Variants in CNIH3 observed in about 807,000 individuals in gnomAD.
The protein encoded by CNIH3 is cornichon family AMPA receptor auxiliary protein 3.
A neutral mutation model predicts 24.1 loss-of-function variants in CNIH3; 14 were observed. The ratio of observed to expected loss-of-function variants is 0.58; its 90% CI spans 0.38 to 0.91. The LOEUF (loss-of-function observed/expected upper bound fraction) is 0.91, where lower values mean the gene tolerates loss of function less well. Among genes scored for constraint, CNIH3 ranks in the 40% least tolerant of loss-of-function variants. The pLI, the probability that CNIH3 is intolerant of heterozygous loss-of-function variation, is 0.00. For synonymous variants in CNIH3, 68 were observed against 73.8 expected, an observed-to-expected ratio of 0.92 and a Z score of 0.40; for missense variants, 178 against 196.8, an observed-to-expected ratio of 0.90 and a Z score of 0.57.
At position 224,564,086 on chromosome 1, in the gene CNIH3, G is replaced by C. The variant is rs78620530; in HGVS notation, n.451-2113G>C. On this transcript the variant is annotated intron_variant and non_coding_transcript_variant, in intron 3 of 5. Transcript: ENST00000471578. ...ACACTTATGTTTGATTTGATAAGTG[G>C]CTTCTTGAGCAGCCACATATTGAAG... Among the ~76,000 whole-genome samples the C allele has an allele frequency of 2.0e-4, 31 of 152,348 alleles. No homozygotes were observed. In the East Asian group the frequency reaches 4.8e-3, roughly 24 times the overall value.
chr1:224,524,095 G>A (rs1013548932), intron 2 of CNIH3, among the ~76,000 whole-genome samples: 1 of 152,202 alleles, frequency 6.6e-6, no homozygotes, highest in Admixed American at 6.5e-5. Flanking sequence ...ATTAAAAAGG[G>A]CCTCTGGTCA....
At chr1:224,581,000 T>C (rs1681253320) in intron 4 of CNIH3, among the ~76,000 whole-genome samples, 1 of 152,166 alleles carries the variant, frequency 6.6e-6, no homozygotes, top group Non-Finnish European at 1.5e-5. Flanking sequence ...TAATTTACAT[T>C]GTCAGGGTGA....
At chr1:224,652,971 T>G (rs967591476) in intron 1 of CNIH3, among the ~76,000 whole-genome samples, 5 of 152,176 alleles carry the variant, frequency 3.3e-5, no homozygotes, top group Admixed American at 2.0e-4. Flanking sequence ...AATTCCCAGC[T>G]GGAGGAAGGC....
At chr1:224,488,127 C>T (rs974784310) in intron 1 of CNIH3, among the ~76,000 whole-genome samples, 6 of 151,582 alleles carry the variant, frequency 4.0e-5, no homozygotes, top group Admixed American at 1.3e-4. Context: ...TGATATGATA[C>T]GAGCTACTAA....
chr1:224,540,958 A>G (rs140112632), downstream of CNIH3, among the ~76,000 whole-genome samples: 111 of 152,294 alleles, frequency 7.3e-4, no homozygotes, highest in Middle Eastern at 3.4e-3. Context: ...GATAGAACGC[A>G]TTTTCTTATA....
chr1:224,661,518 C>A, intron 1 of CNIH3: 2 of 318,126 alleles, frequency 6.3e-6, no homozygotes, highest in South Asian at 6.9e-5. Flanking sequence ...CCCTTTGATT[C>A]CCAAAGAAGT....
intron 1 of CNIH3, among the ~76,000 whole-genome samples, chr1:224,499,418 C>T (rs1677564958): frequency 5.9e-5 from 9 of 152,132 alleles, no homozygotes; most frequent in Admixed American, 5.9e-4. Context: ...ATAAAATGTC[C>T]TTTACCAGCC....
downstream of CNIH3, among the ~76,000 whole-genome samples, chr1:224,541,189 G>C (rs999926676): frequency 6.6e-6 from 1 of 152,222 alleles, no homozygotes; most frequent in Admixed American, 6.5e-5. Flanking sequence ...ACAGCGGAAA[G>C]CAGATTTAAT....
intron 1 of CNIH3, among the ~76,000 whole-genome samples, chr1:224,475,729 A>G (rs1423523651): frequency 2.0e-5 from 3 of 152,178 alleles, no homozygotes; most frequent in Admixed American, 2.0e-4. Flanking sequence ...TGTAAACCTA[A>G]TACTTGTAAA....
upstream of CNIH3, chr1:224,611,611 G>T (rs1490064205): frequency 6.6e-6 from 1 of 152,170 alleles, no homozygotes; most frequent in African/African-American, 2.4e-5. Flanking sequence ...CAGGCAAAAA[G>T]AAATATTATC....
downstream of CNIH3, among the ~76,000 whole-genome samples, chr1:224,589,089 G>A (rs572642437): frequency 1.5e-4 from 23 of 150,704 alleles, no homozygotes; most frequent in African/African-American, 2.9e-4. Context: ...AGCGAGCACC[G>A]TTATTGCTGT....
chr1:224,473,424 C>T (rs910600645), intron 1 of CNIH3, among the ~76,000 whole-genome samples: 27 of 152,230 alleles, frequency 1.8e-4, no homozygotes, highest in Admixed American at 1.7e-3. Flanking sequence ...AAACAAGACC[C>T]AGTGATCTGA....
At chr1:224,455,578 C>T (rs971149062) in intron 1 of CNIH3, among the ~76,000 whole-genome samples, 1 of 152,178 alleles carries the variant, frequency 6.6e-6, no homozygotes, top group Non-Finnish European at 1.5e-5. Flanking sequence ...CCATTATTAA[C>T]CCTTCCTTGA....
At chr1:224,565,045 G>C (rs1404381807) in intron 3 of CNIH3, among the ~76,000 whole-genome samples, 1 of 152,164 alleles carries the variant, frequency 6.6e-6, no homozygotes, top group Non-Finnish European at 1.5e-5. Flanking sequence ...AATAAAAAAG[G>C]TTCAGTTGAT....
chr1:224,661,545 A>G (rs1397908509), intron 1 of CNIH3: 1 of 354,384 alleles, frequency 2.8e-6, no homozygotes, highest in South Asian at 2.8e-5. Context: ...ATAGATTTTC[A>G]AAGTAGGTAA....
intron 1 of CNIH3, among the ~76,000 whole-genome samples, chr1:224,486,730 CTA>C (rs1271054047): frequency 6.6e-6 from 1 of 152,302 alleles, no homozygotes; most frequent in South Asian, 2.1e-4. Flanking sequence ...TGCTAAAACT[CTA>C]TGAGATTCAG....
chr1:224,575,808 T>G (rs1022726110), intron 4 of CNIH3, among the ~76,000 whole-genome samples: 1 of 152,092 alleles, frequency 6.6e-6, no homozygotes, highest in Non-Finnish European at 1.5e-5. Context: ...TGTAGCAAAG[T>G]AGAATAGCCT....
Position 224,616,510 on chromosome 1 carries a change from C to T in CNIH3, c.-665C>T. On this transcript the variant is annotated 5_prime_UTR_variant, in exon 1 of 6. It adds an upstream start codon to the 5' untranslated region. Coordinates refer to ENST00000272133, the MANE Select transcript of CNIH3 (RefSeq NM_152495.2). ...TGCGGAGGCCGGCTGGCCGGAGTCA[C>T]GGTTGGGGACGGGCGCGCCTCGGAG... The T allele has an allele frequency of 3.0e-6, 3 of 987,648 alleles. No individual in the cohort carries two copies. Among genetic ancestry groups the T allele is most frequent in the Non-Finnish European group, 3.6e-6 (3 of 831,050 alleles). 61.2% of individuals were successfully genotyped at this position (987,648 alleles called of 1,614,324 possible).
chr1:224,518,680 C>T (rs1050342604), intron 1 of CNIH3, among the ~76,000 whole-genome samples: 7 of 152,178 alleles, frequency 4.6e-5, no homozygotes, highest in Admixed American at 4.6e-4. Flanking sequence ...CCCCCTCTTA[C>T]TCATTCAGTC....
Sources: gnomAD v4.1 joint callset for allele counts (sites outside exome capture counted in the v4.1 genomes callset) on GRCh38, gnomAD v4.1.1 for gene constraint, MANE v1.5 for transcripts, NCBI Gene and HGNC (gene_info 2026-07-23, HGNC 2026-07-21) for gene names.